The following PTOV1 variants were observed in gnomAD, a reference collection of about 807,000 sequenced individuals.
PTOV1 encodes the protein prostate tumor-overexpressed gene 1 protein.
PTOV1 carries 20 observed loss-of-function variants against 58.0 expected under a neutral mutation model. That is an observed-to-expected ratio of 0.34 (90% CI 0.24 to 0.50). PTOV1 has a LOEUF of 0.50. Ranked by LOEUF, PTOV1 falls within the 20% of genes least tolerant of loss-of-function variation. The pLI, the probability that PTOV1 is intolerant of heterozygous loss-of-function variation, is 0.98. For missense variants in PTOV1, 593 were observed against 565.4 expected, an observed-to-expected ratio of 1.05 and a Z score of -0.50; for synonymous variants, 335 against 234.2, an observed-to-expected ratio of 1.43 and a Z score of -3.93.
chr19:49,853,096 C>T (rs2074317512), intron 1 of PTOV1: 1 of 152,052 alleles, frequency 6.6e-6, no homozygotes, highest in East Asian at 1.9e-4. Context: ...GGGTGGAGAG[C>T]AAGTTTGTTC....
rs1457234496 is a variant in PTOV1 at position 49,855,205 on chromosome 19, C to T, written c.558+128C>T. 35 of 855,336 alleles carry T rather than the reference C, an allele frequency of 4.1e-5. 1 individual carries two copies. The highest frequency in any genetic ancestry group is 3.2e-4 in the South Asian group (21 of 64,954). The allele number at this position is 855,336 out of a possible 1,614,324, so 53.0% of individuals were successfully genotyped here. ...GCCGAGGGTAGCCCTCGTGGCCTCTCGGACCCCATCTGGAAATGACTGACT... is the reference window on the plus strand; with the variant it reads ...GCCGAGGGTAGCCCTCGTGGCCTCTTGGACCCCATCTGGAAATGACTGACT... On this transcript the variant is annotated intron_variant, in intron 5 of 11. Coordinates refer to ENST00000391842, the Ensembl canonical transcript of PTOV1.
chr19:49,850,846 C>G (rs1021370590), upstream of PTOV1: 9 of 1,534,894 alleles, frequency 5.9e-6, no homozygotes, highest in Non-Finnish European at 7.9e-6. Context: ...TGTATTTTGG[C>G]GCGGTCTCCT....
chr19:49,856,434 T>A (rs1278574164), intron 5 of PTOV1: 1 of 158,972 alleles, frequency 6.3e-6, no homozygotes, highest in East Asian at 1.9e-4. Context: ...CCACTTCATC[T>A]AGACACCACA....
upstream of PTOV1, chr19:49,851,034 C>G (rs1009877052): frequency 1.3e-6 from 2 of 1,521,202 alleles, no homozygotes; most frequent in African/African-American, 1.4e-5. Flanking sequence ...GCCGGAGAGG[C>G]CCGCAGGACC....
chr19:49,860,212 A>G (rs757082950), intron 11 of PTOV1, 29 bp downstream of exon 11: 23 of 1,613,798 alleles, frequency 1.4e-5, no homozygotes, highest in Admixed American at 6.7e-5. Flanking sequence ...AGGGCTGCTC[A>G]GTCTCCCTCC....
rs2074559041 is a variant in PTOV1 at position 49,858,047 on chromosome 19, T to G, written c.879-10T>G. 2 of 1,614,058 alleles carry G rather than the reference T, an allele frequency of 1.2e-6. No homozygotes were observed. The highest frequency in any genetic ancestry group is 1.7e-6 in the Non-Finnish European group (2 of 1,179,972). On this transcript the variant is annotated splice_polypyrimidine_tract_variant and intron_variant, in intron 8 of 11. Coordinates refer to ENST00000391842, the Ensembl canonical transcript of PTOV1. ...GGGCTTCCTGACCCTCGTCCCTTTG[T>G]GCCCCACAGGAGGACCGAGCAGTGG... is the stretch of plus-strand genomic sequence containing the variant.
At chr19:49,858,511 G>A (rs2074583918) in intron 9 of PTOV1, 38 bp from the exon 10 acceptor site, 2 of 1,523,962 alleles carry the variant, frequency 1.3e-6, no homozygotes, top group Admixed American at 1.9e-5. Flanking sequence ...GCCGTGGTGG[G>A]AGAAGCCAGA....
intron 5 of PTOV1, chr19:49,856,136 C>T (rs1465089942): frequency 2.0e-5 from 3 of 152,222 alleles, no homozygotes; most frequent in African/African-American, 7.2e-5. Flanking sequence ...CATGAGGTCT[C>T]TTAAGTGACC....
intron 1 of PTOV1, 88 bp downstream of exon 1, chr19:49,851,587 G>A (rs1271966340): frequency 1.3e-5 from 12 of 953,744 alleles, no homozygotes; most frequent in Non-Finnish European, 1.6e-5. Context: ...CGCAGCCCCC[G>A]CCGCTCCGGG....
rs1250501868 is a variant in PTOV1 at position 49,854,738 on chromosome 19, A to T, written c.392+4A>T. The T allele has an allele frequency of 6.2e-7, 1 of 1,613,300 alleles. No individual in the cohort carries two copies. The highest frequency in any genetic ancestry group is 2.2e-5 in the East Asian group (1 of 44,884). Reference sequence around the variant, plus strand: ...ACGTGAACCAAGGCGAGAACCTGTGAGTGCCGGGGCGTGGCAGCCAGGGCG... The same window carrying T: ...ACGTGAACCAAGGCGAGAACCTGTGTGTGCCGGGGCGTGGCAGCCAGGGCG... On this transcript the variant is annotated splice_donor_region_variant and intron_variant, in intron 3 of 11. Transcript: ENST00000391842.
At chr19:49,851,421 C>G (rs1473216559) in exon 1 of PTOV1, 1 of 1,209,294 alleles carries the variant, frequency 8.3e-7, no homozygotes, top group Non-Finnish European at 1.0e-6. Flanking sequence ...TGGTGCGCGC[C>G]GTCCGCTCGC....
intron 1 of PTOV1, chr19:49,851,970 G>T: frequency 3.0e-6 from 3 of 985,378 alleles, no homozygotes; most frequent in Non-Finnish European, 3.6e-6. Context: ...CCGTGCCCGT[G>T]GAGTGCGCAC....
intron 10 of PTOV1, 88 bp from the exon 11 acceptor site, chr19:49,859,898 C>G (rs1199595596): frequency 1.3e-5 from 18 of 1,428,902 alleles, no homozygotes; most frequent in Middle Eastern, 1.8e-4. Context: ...CTGTGCCTGG[C>G]TCATGGAGCC....
exon 1 of PTOV1, chr19:49,851,419 G>C (rs1305020969): frequency 8.3e-7 from 1 of 1,207,252 alleles, no homozygotes; most frequent in East Asian, 3.4e-5. Context: ...CGTGGTGCGC[G>C]CCGTCCGCTC....
chr19:49,860,593 C>T, exon 12 of PTOV1: 1 of 529,668 alleles, frequency 1.9e-6, no homozygotes. Context: ...CCAGCAGCCC[C>T]CACTGCACCC....
At chr19:49,852,703 C>CAGGA (rs1004780618) in intron 1 of PTOV1, 2 of 152,202 alleles carry the variant, frequency 1.3e-5, no homozygotes, top group African/African-American at 2.4e-5. Context: ...TCAACCTGCT[C>CAGGA]TCCTAGACAA....
chr19:49,857,699 G>A, exon 7 of PTOV1: 1 of 1,613,978 alleles, frequency 6.2e-7, no homozygotes, highest in Non-Finnish European at 8.5e-7. Flanking sequence ...ACAGGCAGTG[G>A]GACCTGGTGG....
At chr19:49,858,466 G>A in intron 9 of PTOV1, 83 bp from the exon 10 acceptor site, 2 of 1,146,124 alleles carry the variant, frequency 1.7e-6, no homozygotes, top group Non-Finnish European at 2.5e-6. Context: ...GTTTGGTCCT[G>A]GGCCCGGGGG....
At chr19:49,850,888 C>G, upstream of PTOV1, 5 of 1,535,826 alleles carry the variant, frequency 3.3e-6, no homozygotes, top group Non-Finnish European at 4.4e-6. Flanking sequence ...CGGATGAGGT[C>G]TCCCGCCGTC....
Sources: gnomAD v4.1 joint callset for allele counts on GRCh38, gnomAD v4.1.1 for gene constraint, MANE v1.5 for transcripts, NCBI Gene and HGNC (gene_info 2026-07-23, HGNC 2026-07-21) for gene names.